Variants in CSMD1 observed in about 807,000 individuals in gnomAD.
CSMD1 encodes the protein CUB and sushi domain-containing protein 1.
Under a neutral mutation model 417.5 loss-of-function variants are expected in CSMD1, and 213 were observed. That is an observed-to-expected ratio of 0.51 (90% confidence interval 0.46 to 0.57). CSMD1 has a LOEUF of 0.57. Ranked by LOEUF, CSMD1 falls within the 20% of genes least tolerant of loss-of-function variation. The pLI, the probability that CSMD1 is intolerant of heterozygous loss-of-function variation, is 0.00. For synonymous variants in CSMD1, 2,862 were observed against 1,736.8 expected (o/e 1.65, Z -16.11); for missense variants, 6,923 against 4,529.7 (o/e 1.53, Z -15.17).
chr8:3,228,257 G>A (rs998712422), intron 27 of CSMD1, among the ~76,000 whole-genome samples: 2 of 152,102 alleles, frequency 1.3e-5, no homozygotes, highest in East Asian at 1.9e-4. Flanking sequence ...AAATTAAAAA[G>A]TGTTTTGAAT....
At chr8:3,703,476 ATTC>A (rs1800989780) in intron 7 of CSMD1, among the ~76,000 whole-genome samples, 1 of 138,980 alleles carries the variant, frequency 7.2e-6, no homozygotes, top group Admixed American at 7.3e-5. Flanking sequence ...TCATTCATTC[ATTC>A]ATCAGTAGAT....
chr8:4,704,321 A>G (rs1807780025), intron 1 of CSMD1, among the ~76,000 whole-genome samples: 2 of 152,218 alleles, frequency 1.3e-5, no homozygotes, highest in Admixed American at 1.3e-4. Flanking sequence ...TGAGTGTCTT[A>G]CTGTACTCAC....
intron 3 of CSMD1, among the ~76,000 whole-genome samples, chr8:4,336,997 G>T (rs1001279479): frequency 5.9e-5 from 9 of 152,032 alleles, no homozygotes; most frequent in African/African-American, 2.2e-4. Flanking sequence ...TCCCAGAATG[G>T]CTGACTGGCC....
chr8:4,943,788 A>G (rs1344399520), intron 1 of CSMD1, among the ~76,000 whole-genome samples: 7 of 152,302 alleles, frequency 4.6e-5, no homozygotes, highest in Admixed American at 6.5e-5. Flanking sequence ...ATTGCATGTT[A>G]GAAAAAATCC....
chr8:3,037,379 TTTG>T (rs1810761131), intron 50 of CSMD1, among the ~76,000 whole-genome samples: 1 of 148,876 alleles, frequency 6.7e-6, no homozygotes, highest in Non-Finnish European at 1.5e-5. Context: ...CTAATTTTTT[TTTG>T]TATTTTTAGT....
At chr8:4,903,888 C>T (rs551662252) in intron 1 of CSMD1, among the ~76,000 whole-genome samples, 13 of 152,208 alleles carry the variant, frequency 8.5e-5, no homozygotes, top group Middle Eastern at 3.4e-3. Flanking sequence ...CCTTCAACGC[C>T]GATAATGCAT....
intron 8 of CSMD1, among the ~76,000 whole-genome samples, chr8:3,603,453 G>C (rs566958960): frequency 6.6e-6 from 1 of 152,160 alleles, no homozygotes; most frequent in African/African-American, 2.4e-5. Flanking sequence ...AACCTGGACT[G>C]AGCGCCCAAT....
intron 4 of CSMD1, among the ~76,000 whole-genome samples, chr8:4,021,624 T>A (rs1001285663): frequency 6.6e-6 from 1 of 152,170 alleles, no homozygotes; most frequent in Non-Finnish European, 1.5e-5. Flanking sequence ...CACATGTAGC[T>A]GCTCTTTTTA....
chr8:4,242,838 G>T (rs1199083565), intron 3 of CSMD1, among the ~76,000 whole-genome samples: 4 of 152,176 alleles, frequency 2.6e-5, no homozygotes, highest in African/African-American at 4.8e-5. Context: ...GACTATTAGT[G>T]AAGTCACTAG....
intron 3 of CSMD1, among the ~76,000 whole-genome samples, chr8:4,391,133 C>T (rs920373789): frequency 2.0e-5 from 3 of 152,108 alleles, no homozygotes; most frequent in Non-Finnish European, 4.4e-5. Context: ...CTCTAGGGAC[C>T]CAGATAATGC....
intron 5 of CSMD1, among the ~76,000 whole-genome samples, chr8:3,902,290 T>G (rs1807806511): frequency 6.6e-6 from 1 of 152,164 alleles, no homozygotes; most frequent in East Asian, 1.9e-4. Flanking sequence ...CACCCATTAC[T>G]GTCAAATCCT....
intron 1 of CSMD1, among the ~76,000 whole-genome samples, chr8:4,786,070 G>A (rs1388582557): frequency 1.3e-5 from 2 of 151,944 alleles, no homozygotes; most frequent in African/African-American, 4.8e-5. Flanking sequence ...ATAAAAATAC[G>A]AATAAAATGG....
chr8:4,656,996 A>C (rs1041286534), intron 1 of CSMD1, among the ~76,000 whole-genome samples: 1 of 152,142 alleles, frequency 6.6e-6, no homozygotes, highest in Non-Finnish European at 1.5e-5. Context: ...GACGATCCTC[A>C]AAAACCACCG....
At chr8:4,273,461 A>G (rs1804727074) in intron 3 of CSMD1, among the ~76,000 whole-genome samples, 1 of 152,288 alleles carries the variant, frequency 6.6e-6, no homozygotes, top group Middle Eastern at 3.4e-3. Flanking sequence ...TTTCAGAAGC[A>G]AATTATAATA....
At chr8:3,019,057 A>T (rs1809125632) in intron 51 of CSMD1, among the ~76,000 whole-genome samples, 1 of 152,102 alleles carries the variant, frequency 6.6e-6, no homozygotes, top group Non-Finnish European at 1.5e-5. Flanking sequence ...AGCTGCGATT[A>T]AAGGCGCCTG....
intron 4 of CSMD1, among the ~76,000 whole-genome samples, chr8:4,003,759 T>C (rs901762618): frequency 1.2e-4 from 19 of 152,312 alleles, no homozygotes; most frequent in African/African-American, 4.6e-4. Flanking sequence ...AGGGCTCATA[T>C]ACGCCGGCAA....
chr8:4,870,023 C>A (rs1274914265), intron 1 of CSMD1, among the ~76,000 whole-genome samples: 1 of 151,932 alleles, frequency 6.6e-6, no homozygotes. Context: ...TATGGACAAC[C>A]GTAAAGTATG....
At chr8:4,566,565 G>A (rs909532390) in intron 2 of CSMD1, among the ~76,000 whole-genome samples, 6 of 148,448 alleles carry the variant, frequency 4.0e-5, no homozygotes, top group South Asian at 2.2e-4. Flanking sequence ...AGGCAGGAGA[G>A]TGGCGTGAAC....
chr8:3,076,572 C>T (rs1813702873), intron 49 of CSMD1, among the ~76,000 whole-genome samples: 1 of 152,210 alleles, frequency 6.6e-6, no homozygotes, highest in African/African-American at 2.4e-5. Context: ...GCCGGAGATG[C>T]TCCGATTGCT....
Sources: gnomAD v4.1 joint callset for allele counts (sites outside exome capture counted in the v4.1 genomes callset) on GRCh38, gnomAD v4.1.1 for gene constraint, MANE v1.5 for transcripts, NCBI Gene and HGNC (gene_info 2026-07-23, HGNC 2026-07-21) for gene names.